Variants in MYCN observed in about 807,000 individuals in gnomAD.
MYCN encodes the protein MYCN proto-oncogene, bHLH transcription factor, also known as N-myc proto-oncogene protein.
In MYCN, 3 loss-of-function variants were observed where a neutral mutation model predicts 28.1. The ratio of observed to expected loss-of-function variants is 0.11; its 90% CI spans 0.05 to 0.28. MYCN has a LOEUF of 0.28. Among genes scored for constraint, MYCN ranks in the 10% least tolerant of loss-of-function variants. The pLI, the probability that MYCN is intolerant of heterozygous loss-of-function variation, is 1.00. For synonymous variants in MYCN, 326 were observed against 288.3 expected (o/e 1.13, Z -1.32); for missense variants, 572 against 651.4 (o/e 0.88, Z 1.33).
chr2:15,944,641 A>AAT (rs1346900732), intron 2 of MYCN, among the ~76,000 whole-genome samples: 1 of 152,220 alleles, frequency 6.6e-6, no homozygotes, highest in Non-Finnish European at 1.5e-5. Flanking sequence ...TGGAGCTAGA[A>AAT]ATGTAAATAA....
At chr2:15,940,980 G>T (rs1445170513) in intron 1 of MYCN, 6 of 387,970 alleles carry the variant, frequency 1.5e-5, no homozygotes, top group Non-Finnish European at 2.3e-5. Context: ...TTACCGGGGG[G>T]AGTAATGGCT....
In MYCN at chr2:15,941,895, C is replaced by T. The variant is rs1490662860; in HGVS notation, c.-117-53C>T. 3 of 745,106 alleles carry T rather than the reference C, an allele frequency of 4.0e-6. No individual in the cohort carries two copies. The highest frequency in any genetic ancestry group is 4.4e-6 in the Non-Finnish European group (2 of 453,710). The allele number at this position is 745,106 out of a possible 1,614,324, so 46.2% of individuals were successfully genotyped here. The stretch of plus-strand genomic sequence containing the variant: ...GTTAGAGGGGGCGCCCATTGCCTAT[C>T]CCCTCGGTCTGCCCCGTTTGCCCAC... On this transcript the variant is annotated intron_variant, in intron 1 of 2. Coordinates refer to ENST00000281043, the MANE Select transcript of MYCN (RefSeq NM_005378.6). This position sits in a 1 kb window ranked among gnomAD's most constrained non-coding sequence, Gnocchi z 4.8.
rs140276895 is a variant in MYCN at position 15,945,795 on chromosome 2, C to A, written c.1093C>A (p.Pro365Thr). The change falls in exon 3 of 3, where the codon CCA becomes ACA. Residue 365 changes from proline to threonine, a missense_variant. This residue lies in a region of MYCN where 499 missense variants were observed against 524.3 expected (regional missense o/e 0.95). Transcript: ENST00000281043. This position sits in a 1 kb window ranked among gnomAD's most constrained non-coding sequence, Gnocchi z 4.8. ...SPRPLKSVIPPKAKSLSPRNS... is the reference protein window; with the variant it reads ...SPRPLKSVIPTKAKSLSPRNS... ...ACGTCCGCTCAAGAGTGTCATCCCC[C>A]CAAAGGCTAAGAGCTTGAGCCCCCG... 13 of 1,613,952 alleles carry A rather than the reference C, an allele frequency of 8.1e-6. No individual in the cohort carries two copies. Among genetic ancestry groups the A allele is most frequent in the African/African-American group, 1.3e-5 (1 of 74,932 alleles).
In MYCN at chr2:15,942,910, G is replaced by C. The variant is rs1662747631; in HGVS notation, c.790+56G>C. 6.5e-7 allele frequency: 1 copy of C among 1,530,114 alleles called. No homozygotes were observed. The highest frequency in any genetic ancestry group is 1.2e-5 in the South Asian group (1 of 84,296). The allele number at this position is 1,530,114 out of a possible 1,614,324, so 94.8% of individuals were successfully genotyped here. Reference sequence around the variant, plus strand: ...CCTGGGGCACTGGACCCCGGGTCGCGTCCCCTTTGTTAGTGCTCGTATGTC... The same window carrying C: ...CCTGGGGCACTGGACCCCGGGTCGCCTCCCCTTTGTTAGTGCTCGTATGTC... On this transcript the variant is annotated intron_variant, in intron 2 of 2. Transcript: ENST00000281043. The surrounding 1 kb of genome is among the most constrained non-coding windows in gnomAD (Gnocchi z 7.0).
intron 2 of MYCN, among the ~76,000 whole-genome samples, chr2:15,943,774 G>GGGA (rs1341838498): frequency 6.6e-6 from 1 of 152,184 alleles, no homozygotes; most frequent in African/African-American, 2.4e-5. Flanking sequence ...CTCACATCCT[G>GGGA]GGAGGACTCA....
chr2:15,945,683 C>A lies in MYCN; in HGVS notation c.981C>A (p.His327Gln). Residue 327 changes from histidine to glutamine, a missense_variant, in exon 3 of 3, where the codon CAC (histidine) becomes CAA (glutamine). Around this residue, in one of 3 missense-constraint regions of MYCN, gnomAD observed 499 missense variants for 524.3 expected, o/e 0.95. Coordinates refer to ENST00000281043, the MANE Select transcript of MYCN (RefSeq NM_005378.6). The surrounding 1 kb of genome is among the most constrained non-coding windows in gnomAD (Gnocchi z 4.8). Reference sequence around the variant, plus strand: ...TCCTCAAACGATGCCTTCCCATCCACCAGCAGCACAACTATGCCGCCCCCT... The same window carrying A: ...TCCTCAAACGATGCCTTCCCATCCAACAGCAGCACAACTATGCCGCCCCCT... ...ELILKRCLPI[H>Q]QQHNYAAPSP... The A allele has an allele frequency of 6.2e-7, 1 of 1,614,160 alleles. No individual in the cohort carries two copies. The highest frequency in any genetic ancestry group is 2.2e-5 in the East Asian group (1 of 44,872).
Position 15,942,972 on chromosome 2 carries a change from C to A in MYCN, c.790+118C>A. 2 of 1,283,012 alleles carry A rather than the reference C, an allele frequency of 1.6e-6. No individual in the cohort carries two copies. 79.5% of individuals were successfully genotyped at this position (1,283,012 alleles called of 1,614,324 possible). A position where few individuals can be genotyped will look rare whatever the true frequency, so the allele number is the denominator to read the frequency against. On this transcript the variant is annotated intron_variant, in intron 2 of 2. Transcript: ENST00000281043. The surrounding 1 kb of genome is among the most constrained non-coding windows in gnomAD (Gnocchi z 7.0). ...AGCATTTTGGAGGCAGTGCTAGGGGCAGAGAGGTCCTGTTTCCCCCAAGTC... is the reference window on the plus strand; with the variant it reads ...AGCATTTTGGAGGCAGTGCTAGGGGAAGAGAGGTCCTGTTTCCCCCAAGTC...
Position 15,942,984 on chromosome 2 carries a change from G to T in MYCN, c.790+130G>T. On this transcript the variant is annotated intron_variant, in intron 2 of 2. Coordinates refer to ENST00000281043, the MANE Select transcript of MYCN (RefSeq NM_005378.6). The surrounding 1 kb of genome is among the most constrained non-coding windows in gnomAD (Gnocchi z 7.0). ...GCAGTGCTAGGGGCAGAGAGGTCCTGTTTCCCCCAAGTCTCTCCTCGGGGT... is the reference window on the plus strand; with the variant it reads ...GCAGTGCTAGGGGCAGAGAGGTCCTTTTTCCCCCAAGTCTCTCCTCGGGGT... 1 of 1,196,430 alleles carries T rather than the reference G, an allele frequency of 8.4e-7. No homozygotes were observed. Among genetic ancestry groups the T allele is most frequent in the South Asian group, 1.7e-5 (1 of 58,920 alleles). 74.1% of individuals were successfully genotyped at this position (1,196,430 alleles called of 1,614,324 possible). A position where few individuals can be genotyped will look rare whatever the true frequency, so the allele number is the denominator to read the frequency against.
Position 15,942,677 on chromosome 2 carries a change from G to T in MYCN, c.613G>T (p.Val205Leu). ...CGTGAACAAGCGCGAGCCAGCGCCC[G>T]TGCCCGCAGCCCCGGCCAGTGCCCC... ...FPVNKREPAP[V>L]PAAPASAPAA... Residue 205 changes from valine to leucine, a missense_variant, in exon 2 of 3, where the codon GTG (valine) becomes TTG (leucine). Val to Leu is a conservative substitution (Grantham distance 32). This residue lies in a region of MYCN where 499 missense variants were observed against 524.3 expected (regional missense o/e 0.95). Transcript: ENST00000281043. This position sits in a 1 kb window ranked among gnomAD's most constrained non-coding sequence, Gnocchi z 7.0. 1 of 1,177,474 alleles carries T rather than the reference G, an allele frequency of 8.5e-7. No homozygotes were observed. The highest frequency in any genetic ancestry group is 4.2e-5 in the East Asian group (1 of 24,044). 72.9% of individuals were successfully genotyped at this position (1,177,474 alleles called of 1,614,324 possible).
rs1033382306 is a variant in MYCN at position 15,946,305 on chromosome 2, C to T, written c.*208C>T. The T allele has an allele frequency of 8.0e-5, 52 of 648,828 alleles. No homozygotes were observed. The highest frequency in any genetic ancestry group is 1.1e-4 in the Non-Finnish European group (40 of 376,592). The allele number at this position is 648,828 out of a possible 1,614,324, so 40.2% of individuals were successfully genotyped here. ...CCCAGGATGCTGGGTGGCCCTGCAG[C>T]CTCCTCCACCTCACCTCCATGACAG... On this transcript the variant is annotated 3_prime_UTR_variant, in exon 3 of 3. Coordinates refer to ENST00000281043, the MANE Select transcript of MYCN (RefSeq NM_005378.6).
In MYCN at chr2:15,945,777, C is replaced by T. The variant is rs768128271; in HGVS notation, c.1075C>T (p.Leu359Phe). 4 of 1,614,138 alleles carry T rather than the reference C, an allele frequency of 2.5e-6. No homozygotes were observed. The highest frequency in any genetic ancestry group is 3.4e-6 in the Non-Finnish European group (4 of 1,180,038). Residue 359 changes from leucine to phenylalanine, a missense_variant, in exon 3 of 3, where the codon CTC (leucine) becomes TTC (phenylalanine). Transcript: ENST00000281043. The surrounding 1 kb of genome is among the most constrained non-coding windows in gnomAD (Gnocchi z 4.8). ...KIKSEASPRP[L>F]KSVIPPKAKS... ...AAAGAGCGAGGCGTCCCCACGTCCG[C>T]TCAAGAGTGTCATCCCCCCAAAGGC...
chr2:15,942,426 C>T lies in MYCN; in HGVS notation c.362C>T (p.Ser121Phe), dbSNP rs1357629501. The change falls in exon 2 of 3, where the codon TCC (serine) becomes TTC (phenylalanine). Residue 121 changes from serine (S) to phenylalanine (F), a missense_variant. By Grantham distance (155) the Ser-to-Phe change is radical. Coordinates refer to ENST00000281043, the MANE Select transcript of MYCN (RefSeq NM_005378.6). The surrounding 1 kb of genome is among the most constrained non-coding windows in gnomAD (Gnocchi z 7.0). ...ILQDCMWSGF[S>F]AREKLERAVS... ...CAGGACTGCATGTGGAGCGGCTTCT[C>T]CGCCCGCGAGAAGCTGGAGCGCGCC... 6.2e-7 allele frequency: 1 copy of T among 1,601,178 alleles called. No homozygotes were observed. The highest frequency in any genetic ancestry group is 8.5e-7 in the Non-Finnish European group (1 of 1,178,008).
In MYCN at chr2:15,945,020, A is replaced by G. The variant is rs1261709198; in HGVS notation, c.791-473A>G. On this transcript the variant is annotated intron_variant, in intron 2 of 2. Coordinates refer to ENST00000281043, the MANE Select transcript of MYCN (RefSeq NM_005378.6). The surrounding 1 kb of genome is among the most constrained non-coding windows in gnomAD (Gnocchi z 4.8). Reference sequence around the variant, plus strand: ...GGGTTGTTTTGTTTTTGTTTTTGATAAGGAGTTTTGCTCTTGTTGCCCAGG... The same window carrying G: ...GGGTTGTTTTGTTTTTGTTTTTGATGAGGAGTTTTGCTCTTGTTGCCCAGG... Among the ~76,000 whole-genome samples the G allele has an allele frequency of 8.2e-6, 1 of 122,126 alleles. No individual in the cohort carries two copies. Among genetic ancestry groups the G allele is most frequent in the African/African-American group, 3.3e-5 (1 of 30,028 alleles). The allele number at this position is 122,126 out of a possible 152,430, so 80.1% of individuals were successfully genotyped here. A position where few individuals can be genotyped will look rare whatever the true frequency, so the allele number is the denominator to read the frequency against.
In MYCN at chr2:15,945,278, G is replaced by A. The variant is rs193218230; in HGVS notation, c.791-215G>A. 6.6e-6 allele frequency among the ~76,000 whole-genome samples: 1 copy of A among 152,066 alleles called. No homozygotes were observed. Among genetic ancestry groups the A allele is most frequent in the African/African-American group, 2.4e-5 (1 of 41,382 alleles). ...GCTTCCCAAAGTGCTGGGATTACAG[G>A]TGTGAGTCACCGCGTCCGGCCTACA... On this transcript the variant is annotated intron_variant, in intron 2 of 2. Coordinates refer to ENST00000281043, the MANE Select transcript of MYCN (RefSeq NM_005378.6). The surrounding 1 kb of genome is among the most constrained non-coding windows in gnomAD (Gnocchi z 4.8).
At position 15,942,615 on chromosome 2, in the gene MYCN, C is replaced by T. The variant is rs1662729151; in HGVS notation, c.551C>T (p.Ala184Val). 5.4e-6 allele frequency: 6 copies of T among 1,110,886 alleles called. No homozygotes were observed. The highest frequency in any genetic ancestry group is 4.2e-5 in the Admixed American group (1 of 23,830). 68.8% of individuals were successfully genotyped at this position (1,110,886 alleles called of 1,614,324 possible). The change falls in exon 2 of 3, where the codon GCC (alanine) becomes GTC (valine). Residue 184 changes from alanine to valine, a missense_variant. Physicochemically the swap from Ala to Val is moderately conservative, Grantham distance 64. This residue lies in a region of MYCN where 499 missense variants were observed against 524.3 expected (regional missense o/e 0.95). Coordinates refer to ENST00000281043, the MANE Select transcript of MYCN (RefSeq NM_005378.6). This position sits in a 1 kb window ranked among gnomAD's most constrained non-coding sequence, Gnocchi z 7.0. ...CCCGCCGAGCTCGCCCACCCGGCCG[C>T]CGAGTGCGTGGATCCCGCCGTGGTC... The part of the protein sequence containing the change: ...ALPAELAHPA[A>V]ECVDPAVVFP...
At chr2:15,944,875 C>G (rs1306690249) in intron 2 of MYCN, among the ~76,000 whole-genome samples, 3 of 152,054 alleles carry the variant, frequency 2.0e-5, no homozygotes, top group Non-Finnish European at 4.4e-5. Context: ...AGGCCAAGTT[C>G]TTTATATTTA....
intron 2 of MYCN, among the ~76,000 whole-genome samples, chr2:15,943,084 A>G (rs1365245313): frequency 6.6e-6 from 1 of 151,792 alleles, no homozygotes; most frequent in African/African-American, 2.4e-5. Context: ...AGTTCCTTCC[A>G]CCCTCTCCTG....
In MYCN at chr2:15,945,098, C is replaced by G. The variant is rs56337966; in HGVS notation, c.791-395C>G. Among the ~76,000 whole-genome samples, 3,878 of 152,122 alleles carry G rather than the reference C, an allele frequency of 0.025. 80 individuals carry two copies. The highest frequency in any genetic ancestry group is 0.1 in the South Asian group (496 of 4,796). ...CACTGCAACCTCCGCCTCCCGGGTT[C>G]AAGTCATTCTCCTGCCTCAGCCTCC... On this transcript the variant is annotated intron_variant, in intron 2 of 2. Transcript: ENST00000281043. The surrounding 1 kb of genome is among the most constrained non-coding windows in gnomAD (Gnocchi z 4.8).
Position 15,945,536 on chromosome 2 carries a change from CGTG to C in MYCN, c.837_839del (p.Val280del). The C allele has an allele frequency of 6.2e-7, 1 of 1,613,862 alleles. No individual in the cohort carries two copies. The highest frequency in any genetic ancestry group is 8.5e-7 in the Non-Finnish European group (1 of 1,179,920). On this transcript the variant is annotated inframe_deletion, in exon 3 of 3. Transcript: ENST00000281043. This position sits in a 1 kb window ranked among gnomAD's most constrained non-coding sequence, Gnocchi z 4.8. ...AGGAAGATGAAGAGGAAGAAATCGA[CGTG>C]GTCACTGTGGAGAAGCGGCGTTCCT...
Sources: gnomAD v4.1 joint callset for allele counts (sites outside exome capture counted in the v4.1 genomes callset) on GRCh38, gnomAD v4.1.1 for gene constraint, gnomAD v4.1.1 regional missense constraint, Gnocchi (gnomAD v3.1) non-coding constraint, MANE v1.5 for transcripts, NCBI Gene and HGNC (gene_info 2026-07-23, HGNC 2026-07-21) for gene names.